The following SMR3A variants were observed in gnomAD, a reference collection of about 807,000 sequenced individuals.
SMR3A encodes submaxillary gland androgen-regulated protein 3A.
For missense variants in SMR3A, 188 were observed against 163.0 expected (o/e 1.15, Z -0.84); for synonymous variants, 48 against 57.4 (o/e 0.84, Z 0.74).
At chr4:70,366,558 A>G in intron 2 of SMR3A, 86 bp from the exon 3 acceptor site, 1 of 1,282,168 alleles carries the variant, frequency 7.8e-7, no homozygotes, top group South Asian at 1.5e-5. Context: ...GCCATCTCAG[A>G]GTTCTGCTTA....
intron 2 of SMR3A, among the ~76,000 whole-genome samples, chr4:70,363,868 A>T (rs995174528): frequency 2.6e-5 from 4 of 152,032 alleles, no homozygotes; most frequent in Non-Finnish European, 5.9e-5. Flanking sequence ...ACAATAAAAA[A>T]TCAAATCCTG....
intron 2 of SMR3A, among the ~76,000 whole-genome samples, chr4:70,366,125 A>T (rs775219975): frequency 6.6e-6 from 1 of 151,188 alleles, no homozygotes; most frequent in Non-Finnish European, 1.5e-5. Flanking sequence ...GCCTTTAAAA[A>T]CTCATTATTA....
At position 70,366,957 on chromosome 4, in the gene SMR3A, C is replaced by T. The variant is rs1241949701; in HGVS notation, c.368C>T (p.Ser123Phe). ...PPGPPFFPVN[S>F]PTDPALPTPA... ...GGACCTCCATTTTTCCCTGTAAATTCTCCAACTGATCCTGCCCTCCCTACT... is the reference window on the plus strand; with the variant it reads ...GGACCTCCATTTTTCCCTGTAAATTTTCCAACTGATCCTGCCCTCCCTACT... The change falls in exon 3 of 3, where the codon TCT becomes TTT. Residue 123 changes from serine to phenylalanine, a missense_variant. Physicochemically the swap from Ser to Phe is radical, Grantham distance 155 (BLOSUM62 -2). Coordinates refer to ENST00000226460, the MANE Select transcript of SMR3A (RefSeq NM_012390.4). 1 of 1,613,502 alleles carries T rather than the reference C, an allele frequency of 6.2e-7. No homozygotes were observed.
rs531513924 is a variant in SMR3A, at chr4:70,366,163, G to A, written c.55-481G>A. Among the ~76,000 whole-genome samples, 7 of 151,946 alleles carry A rather than the reference G, an allele frequency of 4.6e-5. No homozygotes were observed. The South Asian group carries it at 1.5e-3, about 31-fold the overall frequency. ...TCAGTTTCTTTGGCCATAACTCTGAGCTTGGCTTAGGTGGCTTCTCTGCTC... is the reference window on the plus strand; with the variant it reads ...TCAGTTTCTTTGGCCATAACTCTGAACTTGGCTTAGGTGGCTTCTCTGCTC... On this transcript the variant is annotated intron_variant, in intron 2 of 2. Transcript: ENST00000226460.
intron 1 of SMR3A, 119 bp from the exon 2 acceptor site, chr4:70,361,983 T>A: frequency 6.8e-7 from 1 of 1,462,824 alleles, no homozygotes; most frequent in Non-Finnish European, 9.1e-7. Flanking sequence ...TTAGGCAAAT[T>A]TCCTAAAAAG....
rs1245466104 is a variant in SMR3A at position 70,366,653 on chromosome 4, A to C, written c.64A>C (p.Ser22Arg). ...TTCTTTGTTTCCACAGCCTGGTGAG[A>C]GTCAAAGAGGCCCCAGGGGACCATA... The part of the protein sequence containing the change: ...ALAACFTPGE[S>R]QRGPRGPYPP... The change falls in exon 3 of 3, where the codon AGT becomes CGT. Residue 22 changes from serine to arginine, a missense_variant. By Grantham distance (110) the Ser-to-Arg change is moderately radical (BLOSUM62 -1). Transcript: ENST00000226460. 6.2e-7 allele frequency: 1 copy of C among 1,604,792 alleles called. No homozygotes were observed. Among genetic ancestry groups the C allele is most frequent in the Non-Finnish European group, 8.5e-7 (1 of 1,174,950 alleles).
At position 70,362,103 on chromosome 4, in the gene SMR3A, G is replaced by A. The variant is rs756116630; in HGVS notation, c.-13G>A. On this transcript the variant is annotated splice_region_variant and 5_prime_UTR_variant, in exon 2 of 3. Coordinates refer to ENST00000226460, the MANE Select transcript of SMR3A (RefSeq NM_012390.4). ...ATCACCTATTGTGCTTACTTTCAGA[G>A]GCAACTGAAAGGATGAAATCACTGA... The A allele has an allele frequency of 1.9e-6, 3 of 1,611,414 alleles. No individual in the cohort carries two copies. Among genetic ancestry groups the A allele is most frequent in the South Asian group, 2.2e-5 (2 of 90,976 alleles).
intron 2 of SMR3A, among the ~76,000 whole-genome samples, chr4:70,364,290 T>A (rs1732213385): frequency 6.6e-6 from 1 of 151,894 alleles, no homozygotes; most frequent in Non-Finnish European, 1.5e-5. Flanking sequence ...GCGGCAAGAT[T>A]AGAATCAAGA....
chr4:70,362,699 T>A (rs1004076542), intron 2 of SMR3A, among the ~76,000 whole-genome samples: 1 of 151,838 alleles, frequency 6.6e-6, no homozygotes, highest in African/African-American at 2.4e-5. Context: ...ACCCTTATTG[T>A]CCTTAACCTA....
chr4:70,367,062 A>G lies in SMR3A; in HGVS notation c.*68A>G, dbSNP rs1204951119. 7.4e-7 allele frequency: 1 copy of G among 1,348,968 alleles called. No homozygotes were observed. The highest frequency in any genetic ancestry group is 1.0e-6 in the Non-Finnish European group (1 of 957,476). 83.6% of individuals were successfully genotyped at this position (1,348,968 alleles called of 1,614,324 possible). ...CACTACCCTCGTAACTACTGCTTCT[A>G]CTACCCAAAAATAAGAATTTCAACA... is the stretch of plus-strand genomic sequence containing the variant. On this transcript the variant is annotated 3_prime_UTR_variant, in exon 3 of 3. Transcript: ENST00000226460.
At chr4:70,365,012 C>T (rs776984223) in intron 2 of SMR3A, among the ~76,000 whole-genome samples, 1 of 151,912 alleles carries the variant, frequency 6.6e-6, no homozygotes, top group Non-Finnish European at 1.5e-5. Flanking sequence ...CTATATAAAC[C>T]ATCTGCTCCA....
intron 2 of SMR3A, among the ~76,000 whole-genome samples, chr4:70,363,342 T>C (rs1431775111): frequency 6.6e-6 from 1 of 151,930 alleles, no homozygotes; most frequent in African/African-American, 2.4e-5. Context: ...GGGTAGCATG[T>C]CCTTTGCATA....
rs1732282499 is a variant in SMR3A at position 70,366,981 on chromosome 4, C to T, written c.392C>T (p.Thr131Ile). 14 of 1,612,762 alleles carry T rather than the reference C, an allele frequency of 8.7e-6. No homozygotes were observed. The highest frequency in any genetic ancestry group is 2.2e-5 in the East Asian group (1 of 44,824). Residue 131 changes from threonine to isoleucine, a missense_variant, in exon 3 of 3, where the codon ACT becomes ATT. Coordinates refer to ENST00000226460, the MANE Select transcript of SMR3A (RefSeq NM_012390.4). ...VNSPTDPALP[T>I]PAP ...TCTCCAACTGATCCTGCCCTCCCTA[C>T]TCCTGCACCCTAAATACAGACAACT... is the stretch of plus-strand genomic sequence containing the variant.
rs1327948345 is a variant in SMR3A, at chr4:70,367,137, A to G, written c.*143A>G. On this transcript the variant is annotated 3_prime_UTR_variant, in exon 3 of 3. Coordinates refer to ENST00000226460, the MANE Select transcript of SMR3A (RefSeq NM_012390.4). ...AAATCACTTCCATTTTTGGATGAGAATAAAGATTTCCAAAGCACTGAGCTT... is the reference window on the plus strand; with the variant it reads ...AAATCACTTCCATTTTTGGATGAGAGTAAAGATTTCCAAAGCACTGAGCTT... 5.4e-6 allele frequency: 4 copies of G among 738,272 alleles called. No homozygotes were observed. The Admixed American group carries it at 8.6e-5, about 16-fold the overall frequency. The allele number at this position is 738,272 out of a possible 1,614,324, so 45.7% of individuals were successfully genotyped here.
intron 2 of SMR3A, among the ~76,000 whole-genome samples, chr4:70,365,465 C>T (rs1283001574): frequency 6.6e-6 from 1 of 151,980 alleles, no homozygotes; most frequent in Non-Finnish European, 1.5e-5. Flanking sequence ...TGATATTTCA[C>T]AATAGATGTG....
At position 70,367,132 on chromosome 4, in the gene SMR3A, TGA is replaced by T; in HGVS notation, c.*141_*142del. 2 of 759,058 alleles carry T rather than the reference TGA, an allele frequency of 2.6e-6. No homozygotes were observed. Among genetic ancestry groups the T allele is most frequent in the South Asian group, 3.7e-5 (2 of 54,118 alleles). 47.0% of individuals were successfully genotyped at this position (759,058 alleles called of 1,614,324 possible). A position where few individuals can be genotyped will look rare whatever the true frequency, so the allele number is the denominator to read the frequency against. On this transcript the variant is annotated 3_prime_UTR_variant, in exon 3 of 3. Coordinates refer to ENST00000226460, the MANE Select transcript of SMR3A (RefSeq NM_012390.4). ...AGATAAAATCACTTCCATTTTTGGA[TGA>T]GAATAAAGATTTCCAAAGCACTGAG...
Position 70,367,060 on chromosome 4 carries a change from C to A in SMR3A, c.*66C>A. On this transcript the variant is annotated 3_prime_UTR_variant, in exon 3 of 3. Coordinates refer to ENST00000226460, the MANE Select transcript of SMR3A (RefSeq NM_012390.4). The stretch of plus-strand genomic sequence containing the variant: ...AACACTACCCTCGTAACTACTGCTT[C>A]TACTACCCAAAAATAAGAATTTCAA... 1 of 1,355,526 alleles carries A rather than the reference C, an allele frequency of 7.4e-7. No homozygotes were observed. Among genetic ancestry groups the A allele is most frequent in the Non-Finnish European group, 1.0e-6 (1 of 962,092 alleles). The allele number at this position is 1,355,526 out of a possible 1,614,324, so 84.0% of individuals were successfully genotyped here.
At position 70,366,726 on chromosome 4, in the gene SMR3A, G is replaced by A. The variant is rs866684638; in HGVS notation, c.137G>A (p.Gly46Glu). The A allele has an allele frequency of 1.2e-6, 2 of 1,613,102 alleles. No individual in the cohort carries two copies. Among genetic ancestry groups the A allele is most frequent in the Non-Finnish European group, 1.7e-6 (2 of 1,179,532 alleles). The change falls in exon 3 of 3, where the codon GGA (glycine) becomes GAA (glutamate). Residue 46 changes from glycine to glutamate, a missense_variant. Physicochemically the swap from Gly to Glu is moderately conservative, Grantham distance 98. Coordinates refer to ENST00000226460, the MANE Select transcript of SMR3A (RefSeq NM_012390.4). ...APPPPPCFPF[G>E]TGFVPPPHPP... ...CCTCCTCCACCATGTTTTCCTTTTGGAACAGGATTTGTTCCACCACCCCAT... is the reference window on the plus strand; with the variant it reads ...CCTCCTCCACCATGTTTTCCTTTTGAAACAGGATTTGTTCCACCACCCCAT...
chr4:70,362,255 C>A, intron 2 of SMR3A, 86 bp downstream of exon 2: 1 of 1,591,954 alleles, frequency 6.3e-7, no homozygotes, highest in Non-Finnish European at 8.6e-7. Context: ...ATGATGTTAC[C>A]TTTTCTTATA....
Sources: allele counts gnomAD v4.1 joint callset (sites outside exome capture counted in the v4.1 genomes callset), GRCh38; gene constraint gnomAD v4.1.1; transcripts MANE v1.5; gene names NCBI Gene and HGNC (gene_info 2026-07-23, HGNC 2026-07-21).